Variants in ACAP2 observed in about 807,000 individuals in gnomAD.
ACAP2 encodes ArfGAP with coiled-coil, ankyrin repeat and PH domains 2.
A neutral mutation model predicts 115.8 loss-of-function variants in ACAP2; 39 were observed. That is an observed-to-expected ratio of 0.34 (90% confidence interval 0.26 to 0.44). The LOEUF (loss-of-function observed/expected upper bound fraction) is 0.44. Ranked by LOEUF, ACAP2 falls within the 20% of genes least tolerant of loss-of-function variation. ACAP2 has a pLI of 1.00. For missense variants in ACAP2, 662 were observed against 927.6 expected (o/e 0.71, Z 3.72); for synonymous variants, 289 against 315.8 (o/e 0.92, Z 0.90).
intron 4 of ACAP2, among the ~76,000 whole-genome samples, chr3:195,367,411 A>G (rs1190221724): frequency 6.6e-6 from 1 of 152,192 alleles, no homozygotes; most frequent in East Asian, 1.9e-4. Context: ...AATGACATAA[A>G]TAAAACTCTG....
At chr3:195,352,643 T>G (rs114224266) in intron 4 of ACAP2, among the ~76,000 whole-genome samples, 234 of 152,290 alleles carry the variant, frequency 1.5e-3, no homozygotes, top group African/African-American at 5.4e-3. Flanking sequence ...TGCGGTAGCT[T>G]TAAAATATGA....
At chr3:195,291,224 A>G (rs898736321) in intron 20 of ACAP2, among the ~76,000 whole-genome samples, 2 of 152,222 alleles carry the variant, frequency 1.3e-5, no homozygotes, top group East Asian at 1.9e-4. Flanking sequence ...GAATCTTACT[A>G]TCGCTCCAGA....
intron 21 of ACAP2, among the ~76,000 whole-genome samples, chr3:195,288,454 G>T (rs72611103): frequency 0.022 from 3,325 of 152,144 alleles, 123 homozygotes; most frequent in East Asian, 0.11. Context: ...TGTTAGCACT[G>T]TGTGCAAGTA....
At chr3:195,403,877 A>G (rs565266116) in intron 1 of ACAP2, among the ~76,000 whole-genome samples, 40 of 152,304 alleles carry the variant, frequency 2.6e-4, no homozygotes, top group African/African-American at 9.6e-4. Context: ...TGGAGGTATA[A>G]GTTTAGTAAT....
intron 21 of ACAP2, among the ~76,000 whole-genome samples, chr3:195,288,241 T>C (rs1455490994): frequency 6.6e-6 from 1 of 152,198 alleles, no homozygotes; most frequent in East Asian, 1.9e-4. Flanking sequence ...ACTCCATCAC[T>C]TACTAAAATC....
chr3:195,325,014 A>G (rs1445659791), intron 9 of ACAP2, among the ~76,000 whole-genome samples: 8 of 152,200 alleles, frequency 5.3e-5, no homozygotes, highest in Admixed American at 2.6e-4. Context: ...AGACCAATAG[A>G]TATAAGATAA....
chr3:195,283,198 C>T (rs1020548889), intron 22 of ACAP2, among the ~76,000 whole-genome samples: 1 of 152,174 alleles, frequency 6.6e-6, no homozygotes, highest in African/African-American at 2.4e-5. Context: ...AACCGGTTTC[C>T]AACAACTGAG....
At chr3:195,404,058 A>G (rs1211431434) in intron 1 of ACAP2, among the ~76,000 whole-genome samples, 2 of 152,192 alleles carry the variant, frequency 1.3e-5, no homozygotes, top group African/African-American at 4.8e-5. Flanking sequence ...GAAGAAAACC[A>G]GGCCCCGCAC....
At chr3:195,315,397 G>A (rs1729023323) in intron 10 of ACAP2, among the ~76,000 whole-genome samples, 1 of 152,216 alleles carries the variant, frequency 6.6e-6, no homozygotes, top group South Asian at 2.1e-4. Flanking sequence ...ATGTGAAAAT[G>A]ATATTAATTT....
chr3:195,294,849 T>C (rs1371961189), intron 17 of ACAP2, 38 bp from the exon 18 acceptor site: 2 of 1,346,318 alleles, frequency 1.5e-6, no homozygotes, highest in African/African-American at 1.4e-5. Flanking sequence ...TTAAAGTTCA[T>C]GCCATTTAGA....
chr3:195,354,587 T>C (rs979303414), intron 4 of ACAP2, among the ~76,000 whole-genome samples: 1 of 152,246 alleles, frequency 6.6e-6, no homozygotes, highest in African/African-American at 2.4e-5. Flanking sequence ...CATTATCAGA[T>C]GAATAGTTTG....
chr3:195,393,378 T>G (rs1293342639), intron 1 of ACAP2, among the ~76,000 whole-genome samples: 1 of 152,238 alleles, frequency 6.6e-6, no homozygotes, highest in Non-Finnish European at 1.5e-5. Flanking sequence ...AATCATCTTA[T>G]TGACTTGTGA....
intron 4 of ACAP2, among the ~76,000 whole-genome samples, chr3:195,355,161 A>G (rs1731870873): frequency 6.6e-6 from 1 of 152,176 alleles, no homozygotes; most frequent in Admixed American, 6.5e-5. Context: ...AATGTAGGCT[A>G]TATACTTTTA....
At chr3:195,308,744 T>G (rs759235431) in intron 11 of ACAP2, 42 bp downstream of exon 11, 10 of 1,507,022 alleles carry the variant, frequency 6.6e-6, no homozygotes, top group Non-Finnish European at 9.2e-6. Flanking sequence ...GATAAATAAC[T>G]GAAACTGGTA....
At chr3:195,434,078 A>C (rs1274702704) in intron 1 of ACAP2, among the ~76,000 whole-genome samples, 3 of 151,974 alleles carry the variant, frequency 2.0e-5, no homozygotes, top group Non-Finnish European at 4.4e-5. Context: ...ATAGGCATGT[A>C]CCACCACACA....
chr3:195,318,191 T>C (rs1048321314), intron 10 of ACAP2, among the ~76,000 whole-genome samples: 26 of 152,212 alleles, frequency 1.7e-4, no homozygotes, highest in Admixed American at 1.6e-3. Flanking sequence ...TGTGAGTCAA[T>C]TAAAACTCCT....
At chr3:195,294,874 A>G in intron 17 of ACAP2, 63 bp from the exon 18 acceptor site, 1 of 1,086,132 alleles carries the variant, frequency 9.2e-7, no homozygotes, top group South Asian at 1.3e-5. Flanking sequence ...AATCTCCCAC[A>G]AACAAGGTTT....
chr3:195,379,878 A>T (rs1165863290), intron 4 of ACAP2, among the ~76,000 whole-genome samples: 2 of 152,192 alleles, frequency 1.3e-5, no homozygotes, highest in Non-Finnish European at 2.9e-5. Context: ...GTAAGCACAT[A>T]AAAGATGCTC....
chr3:195,427,235 A>C (rs764901802), intron 1 of ACAP2, among the ~76,000 whole-genome samples: 16 of 152,236 alleles, frequency 1.1e-4, no homozygotes, highest in Admixed American at 4.6e-4. Flanking sequence ...ATTCTTCCCT[A>C]GACCTTCCAG....
Sources: allele counts gnomAD v4.1 joint callset (sites outside exome capture counted in the v4.1 genomes callset), GRCh38; gene constraint gnomAD v4.1.1; transcripts MANE v1.5; gene names NCBI Gene and HGNC (gene_info 2026-07-23, HGNC 2026-07-21).